CCDC33: variants seen among roughly 807,000 people sequenced by gnomAD.
The protein encoded by CCDC33 is coiled-coil domain containing 33.
A neutral mutation model predicts 91.9 loss-of-function variants in CCDC33; 94 were observed. The observed-to-expected ratio is 1.02, with a 90% CI of 0.87 to 1.21. The LOEUF is 1.21. Ranked by LOEUF, CCDC33 falls within the 50% of genes most tolerant of loss-of-function variation. The pLI, the probability that CCDC33 is intolerant of heterozygous loss-of-function variation, is 0.00. For synonymous variants in CCDC33, 396 were observed against 374.5 expected (o/e 1.06, Z -0.66); for missense variants, 940 against 935.5 (o/e 1.00, Z -0.06).
At chr15:74,207,189 T>G (rs1243958137) in intron 1 of CCDC33, among the ~76,000 whole-genome samples, 1 of 152,156 alleles carries the variant, frequency 6.6e-6, no homozygotes, top group African/African-American at 2.4e-5. Context: ...TATCAAATCC[T>G]CAAAGGGCAA....
intron 2 of CCDC33, among the ~76,000 whole-genome samples, chr15:74,250,516 G>C (rs2075674747): frequency 6.6e-6 from 1 of 152,084 alleles, no homozygotes; most frequent in African/African-American, 2.4e-5. Flanking sequence ...CATCTCAGCT[G>C]TCCTCACTGA....
In CCDC33 at chr15:74,244,041, C is replaced by G. The variant is rs377200305; in HGVS notation, c.78C>G (p.Ile26Met). Residue 26 changes from isoleucine to methionine, a missense_variant, in exon 2 of 19, where the codon ATC (isoleucine) becomes ATG (methionine). Coordinates refer to ENST00000398814, the MANE Select transcript of CCDC33 (RefSeq NM_025055.5). The surrounding 1 kb of genome is among the most constrained non-coding windows in gnomAD (Gnocchi z 4.2). ...LIASQSTEPE[I>M]GHLSPSKKET... ...CCTCCCAGAGCACGGAACCTGAGAT[C>G]GGTCACCTGTCTCCCTCTAAGAAGG... is the stretch of plus-strand genomic sequence containing the variant. 1.3e-6 allele frequency: 2 copies of G among 1,599,816 alleles called. No individual in the cohort carries two copies. The highest frequency in any genetic ancestry group is 2.2e-5 in the East Asian group (1 of 44,622).
chr15:74,282,313 G>A (rs1224269088), intron 10 of CCDC33, among the ~76,000 whole-genome samples: 3 of 152,074 alleles, frequency 2.0e-5, no homozygotes, highest in African/African-American at 4.8e-5. Context: ...ATTCATTCAG[G>A]TGGCTGCCAC....
intron 1 of CCDC33, chr15:74,208,820 G>C (rs2074320731): frequency 1.0e-6 from 1 of 989,120 alleles, no homozygotes; most frequent in East Asian, 1.1e-4. Context: ...GCGCTCTCCT[G>C]ACCTCTCCCT....
chr15:74,244,760 C>T lies in CCDC33; in HGVS notation c.185+612C>T, dbSNP rs189497. 0.47 allele frequency among the ~76,000 whole-genome samples: 70,789 copies of T among 152,090 alleles called. 18,600 individuals are homozygous for T. The highest frequency in any genetic ancestry group is 0.7 in the African/African-American group (28,970 of 41,490). ...ACGGGTCTCACTTCTTCCAGAAAGG[C>T]GCCAAGGGGCAACACAATCTCCATC... On this transcript the variant is annotated intron_variant, in intron 2 of 18. Coordinates refer to ENST00000398814, the MANE Select transcript of CCDC33 (RefSeq NM_025055.5). The surrounding 1 kb of genome is among the most constrained non-coding windows in gnomAD (Gnocchi z 4.2).
intron 1 of CCDC33, among the ~76,000 whole-genome samples, chr15:74,238,671 T>A (rs1167608395): frequency 6.6e-6 from 1 of 152,230 alleles, no homozygotes; most frequent in Non-Finnish European, 1.5e-5. Flanking sequence ...CTATCCCTTT[T>A]TAATGATTTC....
rs1567040394 is a variant in CCDC33 at position 74,330,202 on chromosome 15, AC to A, written c.1306del (p.Arg436GlyfsTer28). 6 of 1,607,150 alleles carry A rather than the reference AC, an allele frequency of 3.7e-6. No individual in the cohort carries two copies. Among genetic ancestry groups the A allele is most frequent in the Non-Finnish European group, 5.1e-6 (6 of 1,175,882 alleles). Reference sequence around the variant, plus strand: ...TGGGATCCACAGGAGATGAACAACTACCGGCGGGCCATGCAGAAGATGGCAG... The same window carrying A: ...TGGGATCCACAGGAGATGAACAACTACGGCGGGCCATGCAGAAGATGGCAG... ...EMSHDTEMNNYRRAMQKMAED... is the reference protein window; with the variant it reads ...EMSHDTEMNNXRRAMQKMAED... On this transcript the variant is annotated frameshift_variant, in exon 12 of 19. Coordinates refer to ENST00000398814, the MANE Select transcript of CCDC33 (RefSeq NM_025055.5). LOFTEE classifies it high-confidence loss of function.
intron 10 of CCDC33, among the ~76,000 whole-genome samples, chr15:74,288,039 A>AT (rs1026364988): frequency 2.6e-5 from 4 of 152,262 alleles, no homozygotes; most frequent in African/African-American, 9.6e-5. Flanking sequence ...TGCAACTCCC[A>AT]TGCTGCCCAC....
chr15:74,273,025 G>T, intron 7 of CCDC33, 134 bp downstream of exon 7: 1 of 1,240,030 alleles, frequency 8.1e-7, no homozygotes, highest in Non-Finnish European at 1.1e-6. Context: ...CATACCCAGT[G>T]CTGTGCTCGC....
At chr15:74,250,249 A>G (rs923779952) in intron 2 of CCDC33, among the ~76,000 whole-genome samples, 3 of 152,150 alleles carry the variant, frequency 2.0e-5, no homozygotes, top group African/African-American at 7.2e-5. Context: ...ACCATTGGGT[A>G]CTGTGGTGCC....
intron 9 of CCDC33, among the ~76,000 whole-genome samples, 198 bp from the exon 10 acceptor site, chr15:74,281,580 G>A (rs1339120853): frequency 6.6e-6 from 1 of 152,224 alleles, no homozygotes; most frequent in Non-Finnish European, 1.5e-5. Context: ...TGCCAGACAG[G>A]TCTCTAGAGG....
intron 7 of CCDC33, among the ~76,000 whole-genome samples, chr15:74,274,278 C>T (rs1051150777): frequency 2.6e-5 from 4 of 152,194 alleles, no homozygotes; most frequent in East Asian, 1.9e-4. Context: ...GGCGGGTGCA[C>T]GCACAGAACA....
intron 2 of CCDC33, among the ~76,000 whole-genome samples, chr15:74,227,787 G>A (rs2074847959): frequency 6.6e-6 from 1 of 152,190 alleles, no homozygotes; most frequent in Admixed American, 6.5e-5. Context: ...GTGTTCCTGA[G>A]CAAGTCATTT....
chr15:74,210,218 C>A (rs1469995886), intron 2 of CCDC33, among the ~76,000 whole-genome samples: 1 of 152,194 alleles, frequency 6.6e-6, no homozygotes, highest in Admixed American at 6.5e-5. Context: ...CCAAGGAATG[C>A]CTGCATGCAT....
intron 6 of CCDC33, among the ~76,000 whole-genome samples, chr15:74,272,435 C>T (rs776098137): frequency 1.3e-4 from 20 of 152,306 alleles, no homozygotes; most frequent in Non-Finnish European, 2.5e-4. Flanking sequence ...CCCCTATGAA[C>T]GTGTGCTCTC....
At chr15:74,280,610 A>T in intron 8 of CCDC33, 58 bp from the exon 9 acceptor site, 4 of 1,422,362 alleles carry the variant, frequency 2.8e-6, no homozygotes, top group Non-Finnish European at 3.7e-6. Flanking sequence ...TCAGGTATTA[A>T]AGGATGGGGC....
rs373604550 is a variant in CCDC33 at position 74,244,029 on chromosome 15, G to A, written c.66G>A (p.Thr22=). 1.6e-5 allele frequency: 25 copies of A among 1,612,066 alleles called. No individual in the cohort carries two copies. Among genetic ancestry groups the A allele is most frequent in the South Asian group, 3.3e-5 (3 of 91,012 alleles). The change falls in exon 2 of 19, where the codon ACG becomes ACA. Residue 22 remains threonine (T), a synonymous_variant. Transcript: ENST00000398814. The surrounding 1 kb of genome is among the most constrained non-coding windows in gnomAD (Gnocchi z 4.2). ...AGCCCCTGATCGCCTCCCAGAGCAC[G>A]GAACCTGAGATCGGTCACCTGTCTC... ...PEEPLIASQS[T]EPEIGHLSPS... is the part of the protein sequence containing the mutation.
In CCDC33 at chr15:74,271,801, G is replaced by A. The variant is rs1404302559; in HGVS notation, c.638+7G>A. On this transcript the variant is annotated splice_region_variant and intron_variant, in intron 6 of 18. Transcript: ENST00000398814. ...CCAACTACAAGGAATTTAAGTGAGT[G>A]GGGCCCAGGTGGACCTGGGTGAGGA... 2 of 1,612,622 alleles carry A rather than the reference G, an allele frequency of 1.2e-6. No individual in the cohort carries two copies. The highest frequency in any genetic ancestry group is 1.7e-5 in the Admixed American group (1 of 59,986).
chr15:74,231,909 G>A (rs1220710887), upstream of CCDC33, among the ~76,000 whole-genome samples: 1 of 152,202 alleles, frequency 6.6e-6, no homozygotes, highest in Non-Finnish European at 1.5e-5. Context: ...AGCTATTGGG[G>A]AGGCTGAGGC....
Sources: allele counts gnomAD v4.1 joint callset (sites outside exome capture counted in the v4.1 genomes callset), GRCh38; gene constraint gnomAD v4.1.1; non-coding constraint Gnocchi (gnomAD v3.1); transcripts MANE v1.5; gene names NCBI Gene and HGNC (gene_info 2026-07-23, HGNC 2026-07-21).